ADARB2: variants seen among roughly 807,000 people sequenced by gnomAD.
ADARB2 encodes adenosine deaminase RNA specific B2 (inactive).
A neutral mutation model predicts 62.2 loss-of-function variants in ADARB2; 25 were observed. That is an observed-to-expected ratio of 0.40 (90% CI 0.29 to 0.56). The LOEUF (loss-of-function observed/expected upper bound fraction) is 0.56. Among genes scored for constraint, ADARB2 ranks in the 20% least tolerant of loss-of-function variants. The probability of loss-of-function intolerance (pLI) is 0.43; values close to 1 mark genes in which losing one functional copy is unlikely to be tolerated. For missense variants in ADARB2, 1,071 were observed against 1,077.4 expected (o/e 0.99, Z 0.08); for synonymous variants, 572 against 500.8 (o/e 1.14, Z -1.90).
intron 1 of ADARB2, among the ~76,000 whole-genome samples, chr10:1,648,880 T>C (rs557050257): frequency 6.6e-6 from 1 of 152,286 alleles, no homozygotes; most frequent in South Asian, 2.1e-4. Flanking sequence ...GCTCCTCATC[T>C]TACAAGGGCA....
chr10:1,608,475 A>G (rs1833522827), intron 1 of ADARB2, among the ~76,000 whole-genome samples: 1 of 151,540 alleles, frequency 6.6e-6, no homozygotes, highest in Admixed American at 6.6e-5. Flanking sequence ...GAGGGAAGGA[A>G]GGAAAAAAGG....
intron 1 of ADARB2, among the ~76,000 whole-genome samples, chr10:1,649,115 C>G (rs1194425826): frequency 6.6e-6 from 1 of 152,226 alleles, no homozygotes; most frequent in Non-Finnish European, 1.5e-5. Flanking sequence ...GCACGGACCT[C>G]AGACGCAAAC....
At chr10:1,315,980 G>T (rs1831735823) in intron 3 of ADARB2, among the ~76,000 whole-genome samples, 1 of 152,142 alleles carries the variant, frequency 6.6e-6, no homozygotes, top group Non-Finnish European at 1.5e-5. Flanking sequence ...AGCATTAAGG[G>T]TATAATTACC....
chr10:1,312,998 A>C (rs1010595601), intron 3 of ADARB2, among the ~76,000 whole-genome samples: 6 of 151,756 alleles, frequency 4.0e-5, no homozygotes, highest in African/African-American at 1.5e-4. Flanking sequence ...TTTTCTCACC[A>C]TTTCACCTGA....
In ADARB2 at chr10:1,278,276, C is replaced by T. The variant is rs557407902; in HGVS notation, c.1078-7207G>A. Among the ~76,000 whole-genome samples, 22 of 151,012 alleles carry T rather than the reference C, an allele frequency of 1.5e-4. No individual in the cohort carries two copies. The East Asian group carries it at 2.7e-3, about 19-fold the overall frequency. Reference sequence around the variant, plus strand: ...GATTACAGGTGTGAGCCACCACACCCGGTCCTTTTTTTCTTTTTTTTTTTT... The same window carrying T: ...GATTACAGGTGTGAGCCACCACACCTGGTCCTTTTTTTCTTTTTTTTTTTT... On this transcript the variant is annotated intron_variant, in intron 3 of 9. Transcript: ENST00000381312.
chr10:1,353,194 TC>T (rs928388400), intron 3 of ADARB2, among the ~76,000 whole-genome samples: 6 of 152,214 alleles, frequency 3.9e-5, no homozygotes, highest in Admixed American at 3.3e-4. Flanking sequence ...GGATAGATGA[TC>T]TTTGCTGGCA....
Position 1,699,189 on chromosome 10 carries a change from C to A in ADARB2, c.100+37862G>T, listed in dbSNP as rs143656666. On this transcript the variant is annotated intron_variant, in intron 1 of 9. Coordinates refer to ENST00000381312, the MANE Select transcript of ADARB2 (RefSeq NM_018702.4). ...AATCCCACTCCACCTGGAGACCAGG[C>A]GCTCACCAATACACGCAATCCCACT... 1.2e-4 allele frequency among the ~76,000 whole-genome samples: 19 copies of A among 152,148 alleles called. 1 individual carries two copies. Among genetic ancestry groups the A allele is most frequent in the South Asian group, 8.4e-4 (4 of 4,790 alleles).
At chr10:1,186,400 T>TC in intron 8 of ADARB2, 1 of 478,058 alleles carries the variant, frequency 2.1e-6, no homozygotes, top group East Asian at 6.2e-5. Flanking sequence ...AGGCTCCCAC[T>TC]CACAGCAGTG....
At chr10:1,693,340 T>G (rs1834696700) in intron 1 of ADARB2, among the ~76,000 whole-genome samples, 1 of 152,124 alleles carries the variant, frequency 6.6e-6, no homozygotes. Context: ...CACTAGGCTG[T>G]TGTGTGATGG....
intron 8 of ADARB2, among the ~76,000 whole-genome samples, chr10:1,195,208 T>C (rs1836893115): frequency 1.3e-5 from 2 of 152,040 alleles, no homozygotes; most frequent in African/African-American, 4.8e-5. Context: ...TGGCAACTCT[T>C]CCCTCTCCTG....
intron 1 of ADARB2, among the ~76,000 whole-genome samples, chr10:1,706,988 C>T (rs1277408115): frequency 2.0e-5 from 3 of 152,192 alleles, no homozygotes; most frequent in African/African-American, 4.8e-5. Context: ...GACATGGCTT[C>T]ATGCGTTCCT....
intron 1 of ADARB2, among the ~76,000 whole-genome samples, chr10:1,407,645 G>A (rs1832718439): frequency 6.6e-6 from 1 of 152,176 alleles, no homozygotes; most frequent in Non-Finnish European, 1.5e-5. Context: ...CCCAGCACTG[G>A]CAGAGACGAT....
intron 8 of ADARB2, chr10:1,188,270 G>A (rs1836790240): frequency 6.6e-6 from 1 of 152,258 alleles, no homozygotes; most frequent in African/African-American, 2.4e-5. Context: ...TCTGAAGGAG[G>A]ATTTGAAGGC....
intron 1 of ADARB2, among the ~76,000 whole-genome samples, chr10:1,640,523 C>A (rs191138942): frequency 1.2e-4 from 18 of 152,276 alleles, no homozygotes; most frequent in African/African-American, 3.4e-4. Context: ...ACAATTGAGA[C>A]AGAAATCATA....
chr10:1,520,098 T>G (rs1832055611), intron 1 of ADARB2, among the ~76,000 whole-genome samples: 1 of 152,190 alleles, frequency 6.6e-6, no homozygotes, highest in Non-Finnish European at 1.5e-5. Context: ...CCAAAACGTT[T>G]AAGTAGAATA....
chr10:1,526,597 G>T (rs1040941388), intron 1 of ADARB2: 3 of 241,550 alleles, frequency 1.2e-5, no homozygotes, highest in Non-Finnish European at 2.6e-5. Flanking sequence ...TGCACAGGCC[G>T]CTCCCCTCCC....
intron 1 of ADARB2, among the ~76,000 whole-genome samples, chr10:1,510,154 T>A (rs543523910): frequency 7.2e-6 from 1 of 138,086 alleles, no homozygotes; most frequent in African/African-American, 2.9e-5. Flanking sequence ...CTTTCTTTCT[T>A]TCTTTCTTTC....
At chr10:1,254,646 A>G (rs1831064904) in intron 4 of ADARB2, among the ~76,000 whole-genome samples, 1 of 152,360 alleles carries the variant, frequency 6.6e-6, no homozygotes, top group Non-Finnish European at 1.5e-5. Flanking sequence ...TGTGAAAAAA[A>G]GCAGATGCAG....
chr10:1,247,024 A>G (rs1830992544), intron 4 of ADARB2, among the ~76,000 whole-genome samples: 1 of 152,086 alleles, frequency 6.6e-6, no homozygotes, highest in South Asian at 2.1e-4. Flanking sequence ...AGTGGTTTGT[A>G]GTTCTCCTTG....
Sources: allele counts gnomAD v4.1 joint callset (sites outside exome capture counted in the v4.1 genomes callset), GRCh38; gene constraint gnomAD v4.1.1; transcripts MANE v1.5; gene names NCBI Gene and HGNC (gene_info 2026-07-23, HGNC 2026-07-21).